NXPE2: variants seen among roughly 807,000 people sequenced by gnomAD.
The protein encoded by NXPE2 is neurexophilin and PC-esterase domain family member 2.
Under a neutral mutation model 34.4 loss-of-function variants are expected in NXPE2, and 34 were observed. The ratio of observed to expected loss-of-function variants is 0.99; its 90% CI spans 0.75 to 1.31. The LOEUF is 1.31. Ranked by LOEUF, NXPE2 falls within the 40% of genes most tolerant of loss-of-function variation. NXPE2 has a pLI of 0.00. For missense variants in NXPE2, 649 were observed against 672.5 expected, an observed-to-expected ratio of 0.97 and a Z score of 0.39; for synonymous variants, 235 against 231.3, an observed-to-expected ratio of 1.02 and a Z score of -0.15.
chr11:114,589,297 TC>T, the NXPE2 span, among the ~76,000 whole-genome samples: 1 of 151,766 alleles, frequency 6.6e-6, no homozygotes, highest in Non-Finnish European at 1.5e-5. Context: ...TGGCTCAAAT[TC>T]CCATTACAGC....
At chr11:114,534,677 G>A in the NXPE2 span, among the ~76,000 whole-genome samples, 46 of 152,322 alleles carry the variant, frequency 3.0e-4, 1 homozygote, top group African/African-American at 8.4e-4. Context: ...CTGGAAGAAA[G>A]GGTATCAGTG....
At chr11:114,633,406 T>C in the NXPE2 span, among the ~76,000 whole-genome samples, 1 of 145,504 alleles carries the variant, frequency 6.9e-6, no homozygotes, top group Non-Finnish European at 1.5e-5. Context: ...TATATTATAT[T>C]TTATTATATG....
At chr11:114,708,883 AC>A (rs1859551799), downstream of NXPE2, among the ~76,000 whole-genome samples, 1 of 152,182 alleles carries the variant, frequency 6.6e-6, no homozygotes, top group Admixed American at 6.5e-5. Flanking sequence ...AATTCCTTCA[AC>A]CTGGTTCTGA....
chr11:114,531,911 G>A, the NXPE2 span, among the ~76,000 whole-genome samples: 2 of 152,198 alleles, frequency 1.3e-5, no homozygotes, highest in East Asian at 1.9e-4. Flanking sequence ...CAGAAACACC[G>A]GCCAAGCTTT....
chr11:114,770,495 T>G, the NXPE2 span, among the ~76,000 whole-genome samples: 114 of 152,384 alleles, frequency 7.5e-4, no homozygotes, highest in African/African-American at 2.6e-3. Flanking sequence ...TGTTGGGTAC[T>G]GCTGAAGCGC....
chr11:114,751,072 A>G, the NXPE2 span, among the ~76,000 whole-genome samples: 3 of 152,142 alleles, frequency 2.0e-5, no homozygotes, highest in Non-Finnish European at 2.9e-5. Flanking sequence ...TATCTATACT[A>G]TCTGAAATGA....
chr11:114,491,424 G>A, the NXPE2 span, among the ~76,000 whole-genome samples: 76 of 152,110 alleles, frequency 5.0e-4, no homozygotes, highest in African/African-American at 1.7e-3. Flanking sequence ...ATCATCACTG[G>A]CCATCAGAGA....
the NXPE2 span, among the ~76,000 whole-genome samples, chr11:114,636,503 A>G: frequency 2.2e-4 from 34 of 151,792 alleles, no homozygotes; most frequent in African/African-American, 8.2e-4. Flanking sequence ...GCCTTCTGCT[A>G]GCTTTTGAAT....
chr11:114,674,715 A>G (rs1361419737), upstream of NXPE2, among the ~76,000 whole-genome samples: 1 of 151,720 alleles, frequency 6.6e-6, no homozygotes, highest in Non-Finnish European at 1.5e-5. Flanking sequence ...CATGAATTCT[A>G]GTAAACATTA....
chr11:114,810,983 C>T, the NXPE2 span, among the ~76,000 whole-genome samples: 1 of 152,048 alleles, frequency 6.6e-6, no homozygotes, highest in East Asian at 1.9e-4. Flanking sequence ...GGCACAGATA[C>T]ACCATGGAAT....
At chr11:114,619,344 C>A in the NXPE2 span, among the ~76,000 whole-genome samples, 4 of 151,846 alleles carry the variant, frequency 2.6e-5, no homozygotes, top group South Asian at 8.3e-4. Context: ...TTGTGTGTAA[C>A]CACTGTTACC....
At chr11:114,727,446 T>C in the NXPE2 span, among the ~76,000 whole-genome samples, 2 of 151,970 alleles carry the variant, frequency 1.3e-5, no homozygotes, top group Non-Finnish European at 2.9e-5. Flanking sequence ...ATCACCACAT[T>C]GCGGATTAGG....
the NXPE2 span, among the ~76,000 whole-genome samples, chr11:114,494,566 C>A: frequency 1.3e-5 from 2 of 152,080 alleles, no homozygotes; most frequent in Admixed American, 1.3e-4. Flanking sequence ...TTATTTCAAT[C>A]TCTTTGTTCA....
the NXPE2 span, among the ~76,000 whole-genome samples, chr11:114,473,518 CAG>C: frequency 6.6e-6 from 1 of 152,008 alleles, no homozygotes; most frequent in Non-Finnish European, 1.5e-5. Context: ...AAACAAGAAA[CAG>C]AAAAATATCT....
the NXPE2 span, among the ~76,000 whole-genome samples, chr11:114,725,954 A>G: frequency 2.1e-5 from 2 of 94,522 alleles, no homozygotes; most frequent in Non-Finnish European, 4.4e-5. Flanking sequence ...GTACCCTAGA[A>G]CTTAAAGTAT....
chr11:114,673,833 T>G (rs769868706), upstream of NXPE2, among the ~76,000 whole-genome samples: 21 of 151,858 alleles, frequency 1.4e-4, no homozygotes, highest in Non-Finnish European at 2.7e-4. Flanking sequence ...TCTCCCCAGA[T>G]AGCCTCCCTC....
the NXPE2 span, among the ~76,000 whole-genome samples, chr11:114,636,355 T>C: frequency 3.3e-5 from 5 of 151,756 alleles, no homozygotes; most frequent in Admixed American, 6.6e-5. Context: ...CTTCTCTCTT[T>C]TTTTCTTTAT....
the NXPE2 span, chr11:114,522,812 A>C: frequency 8.8e-7 from 1 of 1,131,706 alleles, no homozygotes; most frequent in Non-Finnish European, 1.3e-6. Context: ...ACGAGAGAAT[A>C]GAGACCTCAT....
At chr11:114,641,350 A>G in the NXPE2 span, among the ~76,000 whole-genome samples, 4 of 152,220 alleles carry the variant, frequency 2.6e-5, no homozygotes, top group African/African-American at 9.6e-5. Context: ...TCAAGTACAC[A>G]TGAAACCCAA....
Sources: allele counts gnomAD v4.1 joint callset (sites outside exome capture counted in the v4.1 genomes callset), GRCh38; gene constraint gnomAD v4.1.1; transcripts MANE v1.5; gene names NCBI Gene and HGNC (gene_info 2026-07-23, HGNC 2026-07-21).